Variants in FAM153A observed in about 807,000 individuals in gnomAD.
FAM153A encodes the protein protein FAM153A.
In FAM153A, 12 loss-of-function variants were observed where a neutral mutation model predicts 48.1. The observed-to-expected ratio is 0.25, with a 90% CI of 0.16 to 0.40. The LOEUF (loss-of-function observed/expected upper bound fraction) is 0.40, where lower values mean the gene tolerates loss of function less well. FAM153A is among the 10% of genes least tolerant of loss of function. The pLI, the probability that FAM153A is intolerant of heterozygous loss-of-function variation, is 1.00. For missense variants in FAM153A, 111 were observed against 345.8 expected, an observed-to-expected ratio of 0.32 and a Z score of 5.38; for synonymous variants, 36 against 118.2, an observed-to-expected ratio of 0.30 and a Z score of 4.51.
Position 177,731,569 on chromosome 5 carries a change from T to G in FAM153A, c.862A>C (p.Ser288Arg), listed in dbSNP as rs766004820. 21 of 1,104,518 alleles carry G rather than the reference T, an allele frequency of 1.9e-5. 6 individuals are homozygous for G. Among genetic ancestry groups the G allele is most frequent in the East Asian group, 1.1e-4 (3 of 27,992 alleles). 68.4% of individuals were successfully genotyped at this position (1,104,518 alleles called of 1,614,324 possible). The change falls in exon 16 of 21, where the codon AGT (serine) becomes CGT (arginine). Residue 288 changes from serine to arginine, a missense_variant and splice_region_variant. Coordinates refer to ENST00000614127, the Ensembl canonical transcript of FAM153A. The stretch of plus-strand genomic sequence containing the variant: ...AAAGAGAGGATCCCAGAATACGTAC[T>G]CTTTGCCAGCGTGGCTGGGTCCACC...
At chr5:177,754,822 C>T (rs1248065921), upstream of FAM153A, among the ~76,000 whole-genome samples, 6 of 151,842 alleles carry the variant, frequency 4.0e-5, no homozygotes, top group Non-Finnish European at 2.9e-5. Context: ...GACATCCACA[C>T]CAAAACCCCA....
chr5:177,711,137 TAA>T (rs1460011253), exon 27 of FAM153A: 5 of 151,892 alleles, frequency 3.3e-5, no homozygotes, highest in Non-Finnish European at 5.9e-5. Flanking sequence ...TACATATAAC[TAA>T]AGACATATAC....
chr5:177,756,040 C>A (rs1767692407), upstream of FAM153A, among the ~76,000 whole-genome samples: 1 of 149,286 alleles, frequency 6.7e-6, no homozygotes, highest in Non-Finnish European at 1.5e-5. Context: ...CACAGACTGG[C>A]AAATTGGATA....
intron 1 of FAM153A, among the ~76,000 whole-genome samples, chr5:177,772,282 C>G (rs1224707897): frequency 1.1e-5 from 1 of 92,316 alleles, no homozygotes; most frequent in Non-Finnish European, 2.2e-5. Flanking sequence ...GGAACAGCTC[C>G]GGTCTACAGC....
the FAM153A span, among the ~76,000 whole-genome samples, chr5:177,696,320 G>A: frequency 1.1e-4 from 14 of 123,280 alleles, no homozygotes; most frequent in South Asian, 2.8e-4. Context: ...GGGCAGAGGC[G>A]CTCCTCACTT....
rs545532985 is a variant in FAM153A, at chr5:177,734,853, T to C, written c.735+10A>G. The C allele has an allele frequency of 2.8e-6, 4 of 1,448,588 alleles. No individual in the cohort carries two copies. Among genetic ancestry groups the C allele is most frequent in the African/African-American group, 1.5e-5 (1 of 65,090 alleles). The allele number at this position is 1,448,588 out of a possible 1,614,324, so 89.7% of individuals were successfully genotyped here. A position where few individuals can be genotyped will look rare whatever the true frequency, so the allele number is the denominator to read the frequency against. The stretch of plus-strand genomic sequence containing the variant: ...ACAGTTTTTTCTCAGACAAATCCAG[T>C]TGGCCTGACCTTCACCTCCTCTGGG... On this transcript the variant is annotated intron_variant, in intron 13 of 20. Coordinates refer to ENST00000614127, the Ensembl canonical transcript of FAM153A.
At chr5:177,738,026 T>C (rs60079150) in intron 10 of FAM153A, among the ~76,000 whole-genome samples, 18,025 of 151,472 alleles carry the variant, frequency 0.12, 1,427 homozygotes, top group East Asian at 0.34. Context: ...AGTGTGTGTG[T>C]GCCACGGGAC....
In FAM153A at chr5:177,729,337, T is replaced by G. The variant is rs1763336646; in HGVS notation, c.933+148A>C. On this transcript the variant is annotated intron_variant, in intron 17 of 20. Transcript: ENST00000614127. ...GATGCCATCTGAAACCACTGTTTAG[T>G]TGATAATGAACTCTGGCATTTGCCC... 4.4e-6 allele frequency: 5 copies of G among 1,141,144 alleles called. 1 individual carries two copies. The highest frequency in any genetic ancestry group is 5.9e-6 in the Non-Finnish European group (5 of 850,450). 70.7% of individuals were successfully genotyped at this position (1,141,144 alleles called of 1,614,324 possible). A position where few individuals can be genotyped will look rare whatever the true frequency, so the allele number is the denominator to read the frequency against.
downstream of FAM153A, among the ~76,000 whole-genome samples, chr5:177,705,130 C>G (rs569578165): frequency 6.7e-6 from 1 of 149,966 alleles, no homozygotes; most frequent in Non-Finnish European, 1.5e-5. Context: ...ATGGTGAAAC[C>G]CTGTCTCTAC....
At chr5:177,696,482 T>C in the FAM153A span, among the ~76,000 whole-genome samples, 1 of 151,882 alleles carries the variant, frequency 6.6e-6, no homozygotes, top group Non-Finnish European at 1.5e-5. Flanking sequence ...GTGAAGTACC[T>C]AAATTTATCT....
At chr5:177,709,954 C>T (rs1233241127), downstream of FAM153A, among the ~76,000 whole-genome samples, 1 of 135,992 alleles carries the variant, frequency 7.4e-6, no homozygotes. Flanking sequence ...TGAGCCACCG[C>T]GCCCAGCTGA....
At chr5:177,696,724 T>C in the FAM153A span, among the ~76,000 whole-genome samples, 1 of 151,504 alleles carries the variant, frequency 6.6e-6, no homozygotes, top group East Asian at 1.9e-4. Context: ...TGGAGTACTG[T>C]GGTGTGATCA....
chr5:177,706,598 A>AT, downstream of FAM153A: 1 of 152,116 alleles, frequency 6.6e-6, no homozygotes, highest in East Asian at 1.9e-4. Flanking sequence ...GGCACATGAA[A>AT]TTTCATAGTC....
chr5:177,725,496 C>G (rs1426864409), intron 18 of FAM153A, among the ~76,000 whole-genome samples: 2 of 151,212 alleles, frequency 1.3e-5, no homozygotes, highest in Non-Finnish European at 2.9e-5. Flanking sequence ...GAACAGAATT[C>G]AAGGTAAAGC....
intron 10 of FAM153A, 64 bp downstream of exon 12, chr5:177,739,049 A>C (rs1462630981): frequency 6.6e-7 from 1 of 1,520,416 alleles, no homozygotes; most frequent in African/African-American, 1.4e-5. Flanking sequence ...CGCAGGCAAG[A>C]ACGTGTCACC....
At chr5:177,704,988 G>A (rs1321271096), downstream of FAM153A, among the ~76,000 whole-genome samples, 2 of 149,160 alleles carry the variant, frequency 1.3e-5, no homozygotes, top group East Asian at 2.0e-4. Context: ...GTGACAGAGC[G>A]AGACTCCATC....
chr5:177,695,893 CACTCCTCACTTCCCAGACAGGGT>C, the FAM153A span, among the ~76,000 whole-genome samples: 1 of 130,616 alleles, frequency 7.7e-6, no homozygotes, highest in African/African-American at 3.1e-5. Flanking sequence ...CGGGCAGAGG[CACTCCTCACTTCCCAGACAGGGT>C]GGCCGGGCAG....
intron 11 of FAM153A, 35 bp from the exon 14 acceptor site, chr5:177,736,644 A>G (rs1764703671): frequency 6.2e-7 from 1 of 1,602,368 alleles, no homozygotes; most frequent in Non-Finnish European, 8.5e-7. Flanking sequence ...GGATCAGACC[A>G]GGCTGTGTCC....
chr5:177,729,439 C>T (rs748613246), intron 17 of FAM153A, 46 bp downstream of exon 19: 41 of 1,587,242 alleles, frequency 2.6e-5, no homozygotes, highest in Admixed American at 5.3e-5. Context: ...ACAGAGAAAC[C>T]GAGAGAAATA....
Sources: allele counts gnomAD v4.1 joint callset (sites outside exome capture counted in the v4.1 genomes callset), GRCh38; gene constraint gnomAD v4.1.1; transcripts MANE v1.5; gene names NCBI Gene and HGNC (gene_info 2026-07-23, HGNC 2026-07-21).